The following PPP2R5A variants were observed in gnomAD, a reference collection of about 807,000 sequenced individuals.
PPP2R5A encodes the protein protein phosphatase 2 regulatory subunit B'alpha, also known as serine/threonine-protein phosphatase 2A 56 kDa regulatory subunit alpha isoform.
PPP2R5A carries 25 observed loss-of-function variants against 64.2 expected under a neutral mutation model. The ratio of observed to expected loss-of-function variants is 0.39; its 90% confidence interval spans 0.28 to 0.54. The LOEUF (loss-of-function observed/expected upper bound fraction) is 0.54, where lower values mean the gene tolerates loss of function less well. Ranked by LOEUF, PPP2R5A falls within the 20% of genes least tolerant of loss-of-function variation. The pLI is 0.67. For missense variants in PPP2R5A, 425 were observed against 576.3 expected (o/e 0.74, Z 2.69); for synonymous variants, 198 against 201.2 (o/e 0.98, Z 0.13).
chr1:212,342,395 T>C (rs1659700882), intron 4 of PPP2R5A, 115 bp downstream of exon 4: 3 of 1,302,626 alleles, frequency 2.3e-6, no homozygotes, highest in Non-Finnish European at 2.0e-6. Flanking sequence ...TGACAGCACT[T>C]AATATTACTG....
rs1659696760 is a variant in PPP2R5A, at chr1:212,342,174, A to G, written c.481-14A>G. 6.2e-7 allele frequency: 1 copy of G among 1,610,886 alleles called. No individual in the cohort carries two copies. The highest frequency in any genetic ancestry group is 1.3e-5 in the African/African-American group (1 of 74,778). ...TAGCCATCATCTTAGCCTTTATTTG[A>G]CTTTCTCTCATAGTTGGTATATGAA... is the stretch of plus-strand genomic sequence containing the variant. On this transcript the variant is annotated splice_polypyrimidine_tract_variant and intron_variant, in intron 3 of 12. Transcript: ENST00000261461.
chr1:212,309,505 G>A lies in PPP2R5A; in HGVS notation c.182-19630G>A. 9.1e-6 allele frequency: 7 copies of A among 766,750 alleles called. No individual in the cohort carries two copies. The East Asian group carries it at 1.2e-4, about 13-fold the overall frequency. The allele number at this position is 766,750 out of a possible 1,614,324, so 47.5% of individuals were successfully genotyped here. A position where few individuals can be genotyped will look rare whatever the true frequency, so the allele number is the denominator to read the frequency against. ...AGAAGGGGCAGGAGCTTCCTTCTTC[G>A]CTTTCGGCGCCATCTTGTGAAAAGC... On this transcript the variant is annotated intron_variant, in intron 1 of 12. Transcript: ENST00000261461.
Position 212,347,547 on chromosome 1 carries a change from T to TC in PPP2R5A, c.764+141_764+142insC, listed in dbSNP as rs1659804699. On this transcript the variant is annotated intron_variant, in intron 6 of 12. Coordinates refer to ENST00000261461, the MANE Select transcript of PPP2R5A (RefSeq NM_006243.4). ...CATAGTTTCTCAACTGAAGTCTTTTTTTTTTTTTTGAGACGGAGTTTCGCT... is the reference window on the plus strand; with the variant it reads ...CATAGTTTCTCAACTGAAGTCTTTTTCTTTTTTTTTGAGACGGAGTTTCGCT... 8 of 625,676 alleles carry TC rather than the reference T, an allele frequency of 1.3e-5. No individual in the cohort carries two copies. In the East Asian group the frequency reaches 2.6e-4, roughly 21 times the overall value. 38.8% of individuals were successfully genotyped at this position (625,676 alleles called of 1,614,324 possible). A position where few individuals can be genotyped will look rare whatever the true frequency, so the allele number is the denominator to read the frequency against.
intron 8 of PPP2R5A, among the ~76,000 whole-genome samples, chr1:212,350,107 TATG>T (rs972294230): frequency 6.6e-6 from 1 of 151,394 alleles, no homozygotes; most frequent in African/African-American, 2.5e-5. Context: ...CTAAAATATA[TATG>T]TATTTTTACT....
chr1:212,342,057 T>C (rs771603191), intron 3 of PPP2R5A, 131 bp from the exon 4 acceptor site: 15 of 1,336,712 alleles, frequency 1.1e-5, no homozygotes, highest in African/African-American at 1.5e-5. Context: ...ATCAACTCAT[T>C]ACATTTTATA....
At chr1:212,297,096 CTTTTTTTTTTTT>C (rs869112186) in intron 1 of PPP2R5A, among the ~76,000 whole-genome samples, 1 of 82,668 alleles carries the variant, frequency 1.2e-5, no homozygotes, top group Non-Finnish European at 2.5e-5. Context: ...TTTGCTTCTT[CTTTTTTTTTTTT>C]TTTTTTTTTT....
rs147796749 is a variant in PPP2R5A at position 212,291,914 on chromosome 1, A to G, written c.181+5623A>G. On this transcript the variant is annotated intron_variant, in intron 1 of 12. Transcript: ENST00000261461. ...TAGAGGTTTGCCTAATTTTAATCCC[A>G]TCATTCAGGATAATAAGTAATGATT... 2.6e-5 allele frequency among the ~76,000 whole-genome samples: 4 copies of G among 152,302 alleles called. No homozygotes were observed. The East Asian group carries it at 7.7e-4, about 29-fold the overall frequency.
intron 8 of PPP2R5A, 124 bp downstream of exon 8, chr1:212,349,366 G>A: frequency 1.5e-6 from 1 of 648,244 alleles, no homozygotes; most frequent in Non-Finnish European, 2.3e-6. Context: ...TCATTTAGAA[G>A]AAGAAATGTG....
intron 1 of PPP2R5A, among the ~76,000 whole-genome samples, chr1:212,310,207 T>G (rs1229200171): frequency 6.6e-6 from 1 of 152,134 alleles, no homozygotes; most frequent in Admixed American, 6.5e-5. Flanking sequence ...ACTAATCCAA[T>G]CAAATCCAGG....
intron 1 of PPP2R5A, among the ~76,000 whole-genome samples, chr1:212,288,805 A>G (rs1658550460): frequency 6.6e-6 from 1 of 152,196 alleles, no homozygotes; most frequent in Non-Finnish European, 1.5e-5. Context: ...ATACCATCTT[A>G]CTGTGGAGTG....
chr1:212,332,578 T>C (rs1042331069), intron 2 of PPP2R5A, among the ~76,000 whole-genome samples: 1 of 152,194 alleles, frequency 6.6e-6, no homozygotes, highest in Non-Finnish European at 1.5e-5. Context: ...TAATATGTTT[T>C]TTAAAAGTCT....
intron 1 of PPP2R5A, among the ~76,000 whole-genome samples, chr1:212,300,709 A>G (rs1477073169): frequency 2.6e-5 from 4 of 152,164 alleles, no homozygotes; most frequent in Admixed American, 2.0e-4. Context: ...GTTTGTGAAT[A>G]AAGTTTTTAT....
chr1:212,302,091 G>A, intron 1 of PPP2R5A: 1 of 1,518,190 alleles, frequency 6.6e-7, no homozygotes, highest in Non-Finnish European at 8.8e-7. Flanking sequence ...TTATGATAAT[G>A]AGTATGTATA....
At chr1:212,351,280 T>C (rs1659874782) in intron 8 of PPP2R5A, among the ~76,000 whole-genome samples, 1 of 152,038 alleles carries the variant, frequency 6.6e-6, no homozygotes, top group Non-Finnish European at 1.5e-5. Flanking sequence ...CTCATAAAGA[T>C]CTCTCGATAT....
intron 4 of PPP2R5A, 71 bp from the exon 5 acceptor site, chr1:212,345,732 T>G (rs979521823): frequency 1.3e-6 from 2 of 1,501,644 alleles, no homozygotes; most frequent in Non-Finnish European, 1.8e-6. Context: ...GGATAATCTT[T>G]AAGATCAAAA....
chr1:212,324,953 C>T (rs1659381185), intron 1 of PPP2R5A, among the ~76,000 whole-genome samples: 1 of 152,046 alleles, frequency 6.6e-6, no homozygotes, highest in South Asian at 2.1e-4. Context: ...TTATTTATGT[C>T]GCTGTTGATA....
intron 1 of PPP2R5A, among the ~76,000 whole-genome samples, chr1:212,286,759 T>G (rs760340694): frequency 2.0e-5 from 3 of 152,288 alleles, no homozygotes; most frequent in Middle Eastern, 3.4e-3. Context: ...GCACCCACCT[T>G]CTTCTCAACT....
chr1:212,348,867 A>G (rs1015225368), intron 7 of PPP2R5A, among the ~76,000 whole-genome samples: 5 of 152,200 alleles, frequency 3.3e-5, no homozygotes, highest in Non-Finnish European at 5.9e-5. Flanking sequence ...ATAATATATC[A>G]GCATAGGTGT....
chr1:212,305,240 G>A (rs943205902), intron 1 of PPP2R5A, among the ~76,000 whole-genome samples: 2 of 151,826 alleles, frequency 1.3e-5, no homozygotes, highest in African/African-American at 4.8e-5. Flanking sequence ...GTTTCACCGT[G>A]TTAGCCAGGA....
Sources: allele counts gnomAD v4.1 joint callset (sites outside exome capture counted in the v4.1 genomes callset), GRCh38; gene constraint gnomAD v4.1.1; transcripts MANE v1.5; gene names NCBI Gene and HGNC (gene_info 2026-07-23, HGNC 2026-07-21).